SNTG2: variants seen among roughly 807,000 people sequenced by gnomAD.
The protein encoded by SNTG2 is gamma-2-syntrophin.
A neutral mutation model predicts 70.9 loss-of-function variants in SNTG2; 74 were observed. The ratio of observed to expected loss-of-function variants is 1.04; its 90% CI spans 0.86 to 1.27. The LOEUF is 1.27. Among genes scored for constraint, SNTG2 ranks in the 50% most tolerant of loss-of-function variants. SNTG2 has a pLI of 0.00. For missense variants in SNTG2, 717 were observed against 690.7 expected, an observed-to-expected ratio of 1.04 and a Z score of -0.43; for synonymous variants, 278 against 273.8, an observed-to-expected ratio of 1.02 and a Z score of -0.15.
chr2:1,086,199 G>A (rs147580365), intron 2 of SNTG2, among the ~76,000 whole-genome samples: 7 of 152,334 alleles, frequency 4.6e-5, no homozygotes, highest in East Asian at 1.9e-4. Flanking sequence ...TATTAAAATA[G>A]TGTGAGTTTA....
At chr2:968,642 C>A (rs889110230) in intron 1 of SNTG2, among the ~76,000 whole-genome samples, 20 of 152,058 alleles carry the variant, frequency 1.3e-4, no homozygotes, top group African/African-American at 4.8e-4. Flanking sequence ...GTGCTTTAAT[C>A]CCTTCCCATA....
chr2:981,504 A>T (rs1305367542), intron 1 of SNTG2, among the ~76,000 whole-genome samples: 1 of 151,708 alleles, frequency 6.6e-6, no homozygotes, highest in Non-Finnish European at 1.5e-5. Context: ...TGTGTCCTAC[A>T]CATGCAAGCA....
intron 6 of SNTG2, among the ~76,000 whole-genome samples, chr2:1,138,211 G>A (rs997821692): frequency 1.1e-4 from 16 of 152,200 alleles, no homozygotes; most frequent in Admixed American, 2.0e-4. Context: ...GGGCCTTCAC[G>A]CCTTTGCTCC....
intron 7 of SNTG2, 66 bp from the exon 8 acceptor site, chr2:1,173,026 C>A (rs1336526881): frequency 1.4e-6 from 2 of 1,437,368 alleles, no homozygotes; most frequent in East Asian, 2.3e-5. Flanking sequence ...ACTGAAGTCA[C>A]TGCATGGTCA....
chr2:1,141,640 A>G (rs1668756746), intron 6 of SNTG2, among the ~76,000 whole-genome samples: 1 of 152,216 alleles, frequency 6.6e-6, no homozygotes, highest in African/African-American at 2.4e-5. Flanking sequence ...AGTTTTCCCT[A>G]CAGCATGGCT....
intron 4 of SNTG2, among the ~76,000 whole-genome samples, chr2:1,133,547 A>T (rs537868274): frequency 1.3e-5 from 2 of 152,202 alleles, no homozygotes; most frequent in East Asian, 3.9e-4. Context: ...TGGCTGTATT[A>T]CCGTAGGGAT....
intron 1 of SNTG2, among the ~76,000 whole-genome samples, chr2:1,001,640 C>T (rs1659399265): frequency 6.6e-6 from 1 of 151,816 alleles, no homozygotes; most frequent in African/African-American, 2.4e-5. Context: ...GGAAAAACCT[C>T]CCTGGCTCAT....
intron 8 of SNTG2, among the ~76,000 whole-genome samples, chr2:1,179,059 C>A (rs1314855754): frequency 1.3e-5 from 2 of 152,126 alleles, no homozygotes; most frequent in Admixed American, 6.5e-5. Flanking sequence ...GGAATTTATC[C>A]ATTTCTTCTA....
At chr2:1,241,473 T>TTA (rs1558584708) in intron 11 of SNTG2, among the ~76,000 whole-genome samples, 12 of 128,906 alleles carry the variant, frequency 9.3e-5, no homozygotes, top group African/African-American at 2.1e-4. Flanking sequence ...TTCTTTTTTT[T>TTA]TTATTATTAT....
chr2:1,059,000 C>T (rs1662641340), intron 1 of SNTG2: 1 of 152,270 alleles, frequency 6.6e-6, no homozygotes, highest in Admixed American at 6.5e-5. Context: ...CAAATGTTGC[C>T]ATTTGTCTTC....
At chr2:1,131,862 G>A (rs1456103146) in intron 4 of SNTG2, among the ~76,000 whole-genome samples, 1 of 152,044 alleles carries the variant, frequency 6.6e-6, no homozygotes, top group Non-Finnish European at 1.5e-5. Flanking sequence ...GTGTTAGCCA[G>A]GATGGTCTCG....
intron 1 of SNTG2, among the ~76,000 whole-genome samples, chr2:971,788 G>A (rs1047527724): frequency 1.3e-5 from 2 of 151,042 alleles, no homozygotes; most frequent in African/African-American, 4.9e-5. Context: ...TTTTGATATG[G>A]GTGTTCAGCA....
intron 1 of SNTG2, among the ~76,000 whole-genome samples, chr2:1,072,321 TTTTTC>T (rs1558366689): frequency 1.4e-5 from 1 of 71,028 alleles, no homozygotes; most frequent in Non-Finnish European, 2.6e-5. Flanking sequence ...AGTGATTTTC[TTTTTC>T]TTTTTCTTTT....
intron 13 of SNTG2, among the ~76,000 whole-genome samples, chr2:1,260,858 C>G (rs544054020): frequency 4.6e-5 from 7 of 152,224 alleles, no homozygotes; most frequent in African/African-American, 1.2e-4. Context: ...GCTTCTCCCC[C>G]CTCTTGTTTC....
intron 1 of SNTG2, among the ~76,000 whole-genome samples, chr2:982,654 T>C (rs1160484036): frequency 2.0e-5 from 3 of 152,194 alleles, no homozygotes; most frequent in Admixed American, 2.0e-4. Context: ...ATGCAGTGGG[T>C]TTCTGAAAGA....
chr2:1,272,493 G>A (rs67103602), intron 14 of SNTG2, among the ~76,000 whole-genome samples: 12,052 of 92,486 alleles, frequency 0.13, 2,731 homozygotes, highest in African/African-American at 0.25. Flanking sequence ...AAAGGATTCT[G>A]TTAGGACATC....
intron 16 of SNTG2, chr2:1,346,408 C>CA (rs1660276625): frequency 6.6e-6 from 1 of 152,336 alleles, no homozygotes; most frequent in South Asian, 2.1e-4. Context: ...ATTGTGGTCT[C>CA]AGTCCCCATC....
intron 1 of SNTG2, among the ~76,000 whole-genome samples, chr2:1,011,821 A>T (rs1269796181): frequency 4.6e-5 from 7 of 152,226 alleles, no homozygotes; most frequent in Non-Finnish European, 7.3e-5. Context: ...TTTAAAAAAC[A>T]CATTTTAATT....
At chr2:1,242,417 G>C (rs1285828429) in intron 11 of SNTG2, among the ~76,000 whole-genome samples, 1 of 152,026 alleles carries the variant, frequency 6.6e-6, no homozygotes, top group African/African-American at 2.4e-5. Flanking sequence ...AACAGAATTA[G>C]GAGAATACTA....
Sources: gnomAD v4.1 joint callset for allele counts (sites outside exome capture counted in the v4.1 genomes callset) on GRCh38, gnomAD v4.1.1 for gene constraint, MANE v1.5 for transcripts, NCBI Gene and HGNC (gene_info 2026-07-23, HGNC 2026-07-21) for gene names.